MLYCD: variants seen among roughly 807,000 people sequenced by gnomAD.
The protein encoded by MLYCD is malonyl-CoA decarboxylase, mitochondrial.
Under a neutral mutation model 35.8 loss-of-function variants are expected in MLYCD, and 27 were observed. The observed-to-expected ratio is 0.75, with a 90% CI of 0.56 to 1.04. The LOEUF is 1.04. MLYCD is among the 50% of genes least tolerant of loss of function. MLYCD has a pLI of 0.00. For synonymous variants in MLYCD, 403 were observed against 302.4 expected (o/e 1.33, Z -3.45); for missense variants, 917 against 665.1 (o/e 1.38, Z -4.17).
In MLYCD at chr16:83,906,996, G is replaced by T; in HGVS notation, c.538G>T (p.Gly180Trp). ...ATCTTCTCCTTTTCAGGAAATGAAT[G>T]GGGTGCTGAAAGGAATGCTCTCAGA... is the stretch of plus-strand genomic sequence containing the variant. The part of the protein sequence containing the change: ...VEGPDVREMN[G>W]VLKGMLSEWF... The change falls in exon 2 of 5, where the codon GGG becomes TGG. Residue 180 changes from glycine to tryptophan, a missense_variant. Gly to Trp is a radical substitution (Grantham distance 184). Coordinates refer to ENST00000262430, the MANE Select transcript of MLYCD (RefSeq NM_012213.3). 6.2e-7 allele frequency: 1 copy of T among 1,613,948 alleles called. No homozygotes were observed. Among genetic ancestry groups the T allele is most frequent in the Non-Finnish European group, 8.5e-7 (1 of 1,179,836 alleles).
In MLYCD at chr16:83,915,838, G is replaced by A. The variant is rs1299085493; in HGVS notation, c.*349G>A. ...GCAGCCTCTGCCATTGCCATCCCAG[G>A]GGGATCTGGCATCCTCCTAAGGACC... On this transcript the variant is annotated 3_prime_UTR_variant, in exon 5 of 5. Transcript: ENST00000262430. 8.2e-6 allele frequency: 10 copies of A among 1,221,530 alleles called. No individual in the cohort carries two copies. Among genetic ancestry groups the A allele is most frequent in the Non-Finnish European group, 1.0e-5 (10 of 966,600 alleles). The allele number at this position is 1,221,530 out of a possible 1,614,324, so 75.7% of individuals were successfully genotyped here. A position where few individuals can be genotyped will look rare whatever the true frequency, so the allele number is the denominator to read the frequency against.
intron 4 of MLYCD, chr16:83,913,070 C>G (rs1481549575): frequency 6.3e-6 from 1 of 159,528 alleles, no homozygotes; most frequent in Non-Finnish European, 1.4e-5. Flanking sequence ...TTGCTAATGA[C>G]TGGCTCTGAG....
At chr16:83,901,740 A>G (rs1438012025) in intron 1 of MLYCD, among the ~76,000 whole-genome samples, 1 of 152,294 alleles carries the variant, frequency 6.6e-6, no homozygotes, top group East Asian at 1.9e-4. Flanking sequence ...TTGACTGTTG[A>G]GAGAAAGGAG....
At position 83,923,952 on chromosome 16, in the gene MLYCD, A is replaced by T. The variant is rs1907729796; in HGVS notation, c.*8463A>T. Reference sequence around the variant, plus strand: ...GGTGTTAGGGTGCTGACATTCTGGCAAGGGGGCGGGGGTCTGTGGAAGACA... The same window carrying T: ...GGTGTTAGGGTGCTGACATTCTGGCTAGGGGGCGGGGGTCTGTGGAAGACA... On this transcript the variant is annotated 3_prime_UTR_variant, in exon 5 of 5. Transcript: ENST00000262430. 1 of 152,268 alleles carries T rather than the reference A, an allele frequency of 6.6e-6. No individual in the cohort carries two copies. The highest frequency in any genetic ancestry group is 1.5e-5 in the Non-Finnish European group (1 of 68,132). The allele number at this position is 152,268 out of a possible 1,614,324, so 9.4% of individuals were successfully genotyped here. A position where few individuals can be genotyped will look rare whatever the true frequency, so the allele number is the denominator to read the frequency against.
intron 1 of MLYCD, among the ~76,000 whole-genome samples, chr16:83,906,609 C>T (rs892421269): frequency 2.0e-5 from 3 of 152,164 alleles, no homozygotes; most frequent in Admixed American, 2.0e-4. Context: ...GACACCCTTG[C>T]TGTCTTAGTG....
chr16:83,909,984 C>G (rs1907116634), intron 3 of MLYCD, among the ~76,000 whole-genome samples: 2 of 152,076 alleles, frequency 1.3e-5, no homozygotes, highest in African/African-American at 2.4e-5. Flanking sequence ...ACGTCCGCAA[C>G]TTACCCATGA....
chr16:83,903,300 T>C (rs1906863513), intron 1 of MLYCD, among the ~76,000 whole-genome samples: 1 of 152,168 alleles, frequency 6.6e-6, no homozygotes, highest in Non-Finnish European at 1.5e-5. Flanking sequence ...TTTTAGTTAA[T>C]TGAGTACTCC....
chr16:83,908,013 T>C (rs1907040913), intron 2 of MLYCD, 113 bp from the exon 3 acceptor site: 2 of 1,366,762 alleles, frequency 1.5e-6, no homozygotes, highest in South Asian at 1.2e-5. Context: ...AAGAGTCCAT[T>C]AAAGCTCTAT....
chr16:83,915,397 A>G lies in MLYCD; in HGVS notation c.1390A>G (p.Asn464Asp), dbSNP rs1430900459. ...CTACTTCCTGGAGGAGACGGGCCCC[A>G]ACAGCACCTCCTACCTCGGCTCCAA... ...YRYFLEETGP[N>D]STSYLGSKII... The change falls in exon 5 of 5, where the codon AAC becomes GAC. Residue 464 changes from asparagine (N) to aspartate (D), a missense_variant. Physicochemically the swap from Asn to Asp is conservative, Grantham distance 23. Transcript: ENST00000262430. The G allele has an allele frequency of 6.2e-7, 1 of 1,613,898 alleles. No individual in the cohort carries two copies. Among genetic ancestry groups the G allele is most frequent in the Non-Finnish European group, 8.5e-7 (1 of 1,180,040 alleles).
rs1480558862 is a variant in MLYCD at position 83,917,305 on chromosome 16, C to G, written c.*1816C>G. 6.5e-6 allele frequency: 1 copy of G among 153,382 alleles called. No homozygotes were observed. The highest frequency in any genetic ancestry group is 2.4e-5 in the African/African-American group (1 of 41,016). The allele number at this position is 153,382 out of a possible 1,614,324, so 9.5% of individuals were successfully genotyped here. A position where few individuals can be genotyped will look rare whatever the true frequency, so the allele number is the denominator to read the frequency against. ...CGTCTGTGTGCGTGTGCACAAGCAT[C>G]TGTGTGTGTCAGTGCACGTCTGTGT... On this transcript the variant is annotated 3_prime_UTR_variant, in exon 5 of 5. Transcript: ENST00000262430.
Position 83,899,691 on chromosome 16 carries a change from T to C in MLYCD, c.528+19T>C, listed in dbSNP as rs446036. On this transcript the variant is annotated intron_variant, in intron 1 of 4. Coordinates refer to ENST00000262430, the MANE Select transcript of MLYCD (RefSeq NM_012213.3). ...CGTCCGGGTAAGGGGCCGCCGTCGA[T>C]CCCCCGGCAGCGCGGACTGGCCGCC... is the stretch of plus-strand genomic sequence containing the variant. 0.99 allele frequency: 1,487,295 copies of C among 1,499,626 alleles called. 738,243 individuals carry two copies. The highest frequency in any genetic ancestry group is 1 in the East Asian group (37,210 of 37,214). 92.9% of individuals were successfully genotyped at this position (1,499,626 alleles called of 1,614,324 possible).
Position 83,914,971 on chromosome 16 carries a change from C to G in MLYCD, c.964C>G (p.Leu322Val). 1 of 1,614,232 alleles carries G rather than the reference C, an allele frequency of 6.2e-7. No individual in the cohort carries two copies. The highest frequency in any genetic ancestry group is 8.5e-7 in the Non-Finnish European group (1 of 1,180,042). Reference protein sequence around the residue: ...VKELQREFPHLGVFSSLSPIP... With the variant: ...VKELQREFPHVGVFSSLSPIP... ...TGCTTTACAGAGAGAGTTTCCTCAC[C>G]TTGGGGTGTTTTCAAGTCTGTCACC... is the stretch of plus-strand genomic sequence containing the variant. Residue 322 changes from leucine (L) to valine (V), a missense_variant, in exon 5 of 5, where the codon CTT becomes GTT. Coordinates refer to ENST00000262430, the MANE Select transcript of MLYCD (RefSeq NM_012213.3).
rs1296714287 is a variant in MLYCD, at chr16:83,925,319, C to G, written c.*9830C>G. The G allele has an allele frequency of 6.6e-6, 1 of 152,596 alleles. No individual in the cohort carries two copies. 9.5% of individuals were successfully genotyped at this position (152,596 alleles called of 1,614,324 possible). A position where few individuals can be genotyped will look rare whatever the true frequency, so the allele number is the denominator to read the frequency against. On this transcript the variant is annotated 3_prime_UTR_variant, in exon 5 of 5. Coordinates refer to ENST00000262430, the MANE Select transcript of MLYCD (RefSeq NM_012213.3). ...CACCTCCAACTGTGTAACACAGAAG[C>G]CTGGGTGCCATCCCTGGGGCTCCCC...
Position 83,899,125 on chromosome 16 carries a change from G to A in MLYCD, c.-20G>A. The A allele has an allele frequency of 9.0e-7, 1 of 1,108,590 alleles. No homozygotes were observed. The highest frequency in any genetic ancestry group is 1.1e-6 in the Non-Finnish European group (1 of 911,466). 68.7% of individuals were successfully genotyped at this position (1,108,590 alleles called of 1,614,324 possible). A position where few individuals can be genotyped will look rare whatever the true frequency, so the allele number is the denominator to read the frequency against. ...GGCAGCGGCGGCGGCGCTCCCCCTC[G>A]GCAGCTGTTGTGGGGCACCATGCGA... On this transcript the variant is annotated 5_prime_UTR_variant, in exon 1 of 5. Coordinates refer to ENST00000262430, the MANE Select transcript of MLYCD (RefSeq NM_012213.3).
Position 83,918,556 on chromosome 16 carries a change from GCACACACGGTGCACAGAA to G in MLYCD, c.*3075_*3092del, listed in dbSNP as rs1484062529. 9.1e-6 allele frequency: 1 copy of G among 109,626 alleles called. No homozygotes were observed. The highest frequency in any genetic ancestry group is 4.5e-5 in the African/African-American group (1 of 22,344). The allele number at this position is 109,626 out of a possible 1,614,324, so 6.8% of individuals were successfully genotyped here. A position where few individuals can be genotyped will look rare whatever the true frequency, so the allele number is the denominator to read the frequency against. ...GAACACATGGTGCACAGGAGAACAC[GCACACACGGTGCACAGAA>G]CACACACAGTGCACAGGAGAACACG... On this transcript the variant is annotated 3_prime_UTR_variant, in exon 5 of 5. Transcript: ENST00000262430.
chr16:83,925,853 A>C lies in MLYCD; in HGVS notation c.*10364A>C, dbSNP rs1484709722. The C allele has an allele frequency of 1.3e-5, 2 of 152,538 alleles. No individual in the cohort carries two copies. The highest frequency in any genetic ancestry group is 4.8e-5 in the African/African-American group (2 of 41,578). 9.4% of individuals were successfully genotyped at this position (152,538 alleles called of 1,614,324 possible). ...GGAAGATTTCCCTGGTGGCTTGACT[A>C]GGTCACAGTCCCCCTTTATTTGCCG... On this transcript the variant is annotated 3_prime_UTR_variant, in exon 5 of 5. Transcript: ENST00000262430.
Position 83,908,170 on chromosome 16 carries a change from G to A in MLYCD, c.686G>A (p.Arg229His), listed in dbSNP as rs142117752. 2.0e-4 allele frequency: 327 copies of A among 1,614,180 alleles called. 1 individual carries two copies. The African/African-American group carries it at 3.8e-3, about 19-fold the overall frequency. Residue 229 changes from arginine to histidine, a missense_variant, in exon 3 of 5, where the codon CGC becomes CAC. Transcript: ENST00000262430. Reference sequence around the variant, plus strand: ...GTAAAAAACTGGATGGACATGAAGCGCCGCGTTGGGCCCTACAGAAGGTGT... The same window carrying A: ...GTAAAAAACTGGATGGACATGAAGCACCGCGTTGGGCCCTACAGAAGGTGT... ...HPVKNWMDMK[R>H]RVGPYRRCYF...
At chr16:83,914,871 G>T (rs1472238922) in intron 4 of MLYCD, 85 bp from the exon 5 acceptor site, 8 of 1,575,664 alleles carry the variant, frequency 5.1e-6, no homozygotes, top group Non-Finnish European at 7.0e-6. Context: ...TGAGCCGTAG[G>T]TTAAGAGGTG....
Position 83,899,150 on chromosome 16 carries a change from A to T in MLYCD, c.6A>T (p.Arg2=). 1 of 1,143,530 alleles carries T rather than the reference A, an allele frequency of 8.7e-7. No homozygotes were observed. The highest frequency in any genetic ancestry group is 1.1e-6 in the Non-Finnish European group (1 of 934,306). The allele number at this position is 1,143,530 out of a possible 1,614,324, so 70.8% of individuals were successfully genotyped here. The change falls in exon 1 of 5, where the codon CGA becomes CGT. Residue 2 remains arginine (R), a synonymous_variant. Transcript: ENST00000262430. ...GGCAGCTGTTGTGGGGCACCATGCG[A>T]GGCTTCGGGCCAGGCTTGACGGCCA... M[R]GFGPGLTARR...
Sources: gnomAD v4.1 joint callset for allele counts (sites outside exome capture counted in the v4.1 genomes callset) on GRCh38, gnomAD v4.1.1 for gene constraint, MANE v1.5 for transcripts, NCBI Gene and HGNC (gene_info 2026-07-23, HGNC 2026-07-21) for gene names.